Variants in ROCK2 observed in about 807,000 individuals in gnomAD.
ROCK2 encodes Rho associated coiled-coil containing protein kinase 2, also known as rho-associated protein kinase 2.
ROCK2 carries 61 observed loss-of-function variants against 195.1 expected under a neutral mutation model. The observed-to-expected ratio is 0.31, with a 90% CI of 0.25 to 0.39. The LOEUF (loss-of-function observed/expected upper bound fraction) is 0.39, where lower values mean the gene tolerates loss of function less well. Among genes scored for constraint, ROCK2 ranks in the 10% least tolerant of loss-of-function variants. The probability of loss-of-function intolerance (pLI) is 1.00; values close to 1 mark genes in which losing one functional copy is unlikely to be tolerated. For synonymous variants in ROCK2, 504 were observed against 545.5 expected (o/e 0.92, Z 1.06); for missense variants, 1,109 against 1,637.4 (o/e 0.68, Z 5.57).
intron 3 of ROCK2, among the ~76,000 whole-genome samples, chr2:11,267,560 C>T (rs938569269): frequency 2.6e-5 from 4 of 151,822 alleles, no homozygotes; most frequent in Admixed American, 6.5e-5. Context: ...AAACCCCGAA[C>T]AATAACAAAG....
intron 1 of ROCK2, among the ~76,000 whole-genome samples, chr2:11,338,296 A>G (rs1272462445): frequency 2.6e-5 from 4 of 152,312 alleles, no homozygotes; most frequent in South Asian, 2.1e-4. Context: ...ATAGTGCGCT[A>G]TGACTACACC....
chr2:11,288,274 A>G (rs756116449), intron 1 of ROCK2, among the ~76,000 whole-genome samples: 12 of 152,316 alleles, frequency 7.9e-5, no homozygotes, highest in South Asian at 4.1e-4. Context: ...TGTATTTCCC[A>G]TATTTTCTAC....
chr2:11,211,601 AT>A (rs1373358400), intron 18 of ROCK2, 79 bp downstream of exon 18: 4 of 1,327,526 alleles, frequency 3.0e-6, no homozygotes, highest in Admixed American at 2.5e-5. Flanking sequence ...ATAAAAAAAA[AT>A]GTTTCAAAAC....
At chr2:11,260,483 T>C (rs1012698190) in intron 3 of ROCK2, among the ~76,000 whole-genome samples, 3 of 145,900 alleles carry the variant, frequency 2.1e-5, no homozygotes, top group Non-Finnish European at 4.5e-5. Context: ...TGTGCTAACA[T>C]AGTCCTTCTT....
At chr2:11,203,023 T>C (rs1335866806) in intron 20 of ROCK2, among the ~76,000 whole-genome samples, 1 of 152,164 alleles carries the variant, frequency 6.6e-6, no homozygotes, top group Non-Finnish European at 1.5e-5. Context: ...TAAACATGGA[T>C]GGTGGCTGCA....
intron 14 of ROCK2, 30 bp from the exon 15 acceptor site, chr2:11,215,442 T>A (rs1664391737): frequency 6.2e-7 from 1 of 1,603,854 alleles, no homozygotes; most frequent in Non-Finnish European, 8.5e-7. Context: ...AGTGGCAAGC[T>A]TAGCATAACA....
At chr2:11,240,751 A>AT (rs1411089836) in intron 4 of ROCK2, among the ~76,000 whole-genome samples, 4 of 152,252 alleles carry the variant, frequency 2.6e-5, no homozygotes, top group Non-Finnish European at 4.4e-5. Context: ...ACGCAGGTGA[A>AT]TTTTATGCTA....
intron 4 of ROCK2, among the ~76,000 whole-genome samples, chr2:11,244,162 G>A (rs1665530946): frequency 1.3e-5 from 2 of 152,224 alleles, no homozygotes; most frequent in East Asian, 1.9e-4. Flanking sequence ...TAGTAGACCT[G>A]TATTTTTAAA....
chr2:11,312,150 T>C (rs1179692162), intron 1 of ROCK2, among the ~76,000 whole-genome samples: 1 of 152,208 alleles, frequency 6.6e-6, no homozygotes, highest in African/African-American at 2.4e-5. Context: ...ATAGGTGAAA[T>C]TAAATGGCTT....
chr2:11,262,630 A>T (rs1666270513), intron 3 of ROCK2, among the ~76,000 whole-genome samples: 1 of 152,176 alleles, frequency 6.6e-6, no homozygotes, highest in Admixed American at 6.5e-5. Flanking sequence ...GCCTGCTGCC[A>T]TCCATGTAAG....
At chr2:11,204,323 T>A (rs778068560) in intron 20 of ROCK2, among the ~76,000 whole-genome samples, 1 of 152,136 alleles carries the variant, frequency 6.6e-6, no homozygotes, top group Admixed American at 6.5e-5. Context: ...TTCCCTCTTA[T>A]AGCAACCACA....
At chr2:11,276,261 T>C (rs1433658359) in intron 3 of ROCK2, among the ~76,000 whole-genome samples, 2 of 152,242 alleles carry the variant, frequency 1.3e-5, no homozygotes, top group Admixed American at 1.3e-4. Flanking sequence ...AAGTGATTTA[T>C]GATCTTTTAT....
intron 1 of ROCK2, chr2:11,308,050 T>G (rs1041320986): frequency 2.5e-6 from 4 of 1,598,280 alleles, no homozygotes; most frequent in Non-Finnish European, 2.6e-6. Flanking sequence ...CGGAGTCTGC[T>G]GCAGCGCTGG....
chr2:11,240,832 T>A (rs1046417520), intron 4 of ROCK2, among the ~76,000 whole-genome samples: 1 of 152,360 alleles, frequency 6.6e-6, no homozygotes, highest in East Asian at 1.9e-4. Flanking sequence ...CATACCTCAA[T>A]AAAGTTGTAT....
intron 1 of ROCK2, among the ~76,000 whole-genome samples, chr2:11,295,409 G>T (rs1433139504): frequency 6.6e-6 from 1 of 151,024 alleles, no homozygotes; most frequent in Non-Finnish European, 1.5e-5. Context: ...AAGTATCACA[G>T]ATAGACTTTA....
At chr2:11,241,408 A>C (rs757508145) in intron 4 of ROCK2, among the ~76,000 whole-genome samples, 11 of 152,292 alleles carry the variant, frequency 7.2e-5, no homozygotes, top group Non-Finnish European at 1.3e-4. Flanking sequence ...GGGGCTTAGG[A>C]GACAGAAGCT....
In ROCK2 at chr2:11,181,377, A is replaced by G. The variant is rs1180628102; in HGVS notation, c.*2060T>C. The G allele has an allele frequency of 2.0e-5, 3 of 151,612 alleles. No homozygotes were observed. Among genetic ancestry groups the G allele is most frequent in the Non-Finnish European group, 2.9e-5 (2 of 67,932 alleles). 9.4% of individuals were successfully genotyped at this position (151,612 alleles called of 1,614,324 possible). A position where few individuals can be genotyped will look rare whatever the true frequency, so the allele number is the denominator to read the frequency against. ...TTACTTAAAAAAGAGCTATCCCCCAAAACCAGAGCTGCAGAACACACCTGC... is the reference window on the plus strand; with the variant it reads ...TTACTTAAAAAAGAGCTATCCCCCAGAACCAGAGCTGCAGAACACACCTGC... On this transcript the variant is annotated 3_prime_UTR_variant, in exon 33 of 33. Transcript: ENST00000315872.
At position 11,286,674 on chromosome 2, in the gene ROCK2, A is replaced by C. The variant is rs779270034; in HGVS notation, c.224-35T>G. ...AAAGATCACCATACTTATAATATCA[A>C]TCATATTTATATTTTTACATAATCA... On this transcript the variant is annotated intron_variant, in intron 2 of 32. Transcript: ENST00000315872. 1.7e-5 allele frequency: 19 copies of C among 1,092,004 alleles called. No homozygotes were observed. The South Asian group carries it at 2.7e-4, about 16-fold the overall frequency. The allele number at this position is 1,092,004 out of a possible 1,614,324, so 67.6% of individuals were successfully genotyped here. A position where few individuals can be genotyped will look rare whatever the true frequency, so the allele number is the denominator to read the frequency against.
At chr2:11,277,692 C>T (rs1031084831) in intron 3 of ROCK2, among the ~76,000 whole-genome samples, 1 of 152,186 alleles carries the variant, frequency 6.6e-6, no homozygotes, top group African/African-American at 2.4e-5. Context: ...AGTATTCCAT[C>T]ATATATACAT....
Sources: gnomAD v4.1 joint callset for allele counts (sites outside exome capture counted in the v4.1 genomes callset) on GRCh38, gnomAD v4.1.1 for gene constraint, MANE v1.5 for transcripts, NCBI Gene and HGNC (gene_info 2026-07-23, HGNC 2026-07-21) for gene names.